Variants in CHD9 observed in about 807,000 individuals in gnomAD.
The protein encoded by CHD9 is ATP-dependent chromatin remodeler CHD9.
In CHD9, 77 loss-of-function variants were observed where a neutral mutation model predicts 316.1. That is an observed-to-expected ratio of 0.24 (90% CI 0.20 to 0.29). The LOEUF (loss-of-function observed/expected upper bound fraction) is 0.29, where lower values mean the gene tolerates loss of function less well. Among genes scored for constraint, CHD9 ranks in the 10% least tolerant of loss-of-function variants. The pLI is 1.00. For missense variants in CHD9, 2,763 were observed against 3,438.1 expected, an observed-to-expected ratio of 0.80 and a Z score of 4.91; for synonymous variants, 1,129 against 1,158.3, an observed-to-expected ratio of 0.97 and a Z score of 0.51.
At chr16:53,110,967 A>AT (rs1451188473) in intron 1 of CHD9, among the ~76,000 whole-genome samples, 1 of 152,122 alleles carries the variant, frequency 6.6e-6, no homozygotes, top group Non-Finnish European at 1.5e-5. Context: ...GAGAAGGTAC[A>AT]TTTTTTGGGG....
At chr16:53,150,296 A>AT (rs1243753789) in intron 1 of CHD9, among the ~76,000 whole-genome samples, 1 of 140,018 alleles carries the variant, frequency 7.1e-6, no homozygotes, top group Non-Finnish European at 1.6e-5. Flanking sequence ...CTTAATGGTT[A>AT]TGTTGCGGAT....
At chr16:53,129,582 A>C (rs749796745) in intron 1 of CHD9, among the ~76,000 whole-genome samples, 6 of 152,252 alleles carry the variant, frequency 3.9e-5, no homozygotes, top group Non-Finnish European at 8.8e-5. Flanking sequence ...CAGCCATTCC[A>C]TTCTGGCTAG....
At chr16:53,308,058 T>C (rs2056144811) in intron 33 of CHD9, 105 bp downstream of exon 33, 2 of 952,344 alleles carry the variant, frequency 2.1e-6, no homozygotes, top group African/African-American at 1.7e-5. Flanking sequence ...TTCACATACC[T>C]GTTTCTTGGT....
At chr16:53,220,368 G>A (rs1029498009) in intron 3 of CHD9, among the ~76,000 whole-genome samples, 2 of 152,160 alleles carry the variant, frequency 1.3e-5, no homozygotes, top group Non-Finnish European at 2.9e-5. Flanking sequence ...TTTCTCACCT[G>A]AAGTCTAGTC....
Position 53,245,008 on chromosome 16 carries a change from C to T in CHD9, c.3055-328C>T, listed in dbSNP as rs922972129. On this transcript the variant is annotated intron_variant, in intron 13 of 38. Transcript: ENST00000447540. The surrounding 1 kb of genome is among the most constrained non-coding windows in gnomAD (Gnocchi z 4.1). ...GTGCATACCTGTAGTCCTAGCTACT[C>T]GGGAGTCTGAGGCAGGAGGATCCCT... Among the ~76,000 whole-genome samples, 3 of 151,802 alleles carry T rather than the reference C, an allele frequency of 2.0e-5. No homozygotes were observed. The highest frequency in any genetic ancestry group is 4.8e-5 in the African/African-American group (2 of 41,324).
chr16:53,083,490 TA>T (rs1363882363), intron 1 of CHD9, among the ~76,000 whole-genome samples: 2 of 152,224 alleles, frequency 1.3e-5, no homozygotes, highest in Admixed American at 6.5e-5. Flanking sequence ...CTCTGCCTGT[TA>T]GATTTCTGCA....
At chr16:53,116,592 G>A (rs1201036440) in intron 1 of CHD9, among the ~76,000 whole-genome samples, 1 of 152,186 alleles carries the variant, frequency 6.6e-6, no homozygotes, top group Non-Finnish European at 1.5e-5. Context: ...TGGTGAGGCT[G>A]TGGAGAGATA....
intron 11 of CHD9, among the ~76,000 whole-genome samples, chr16:53,236,950 A>G (rs2048684632): frequency 6.6e-6 from 1 of 151,856 alleles, no homozygotes; most frequent in South Asian, 2.1e-4. Flanking sequence ...TCCCTAAGCC[A>G]TATTCTATAC....
chr16:53,106,180 C>A (rs1157671468), intron 1 of CHD9, among the ~76,000 whole-genome samples: 1 of 152,162 alleles, frequency 6.6e-6, no homozygotes, highest in African/African-American at 2.4e-5. Context: ...CATTATTCTC[C>A]TTTGCATCGT....
chr16:53,168,704 T>G (rs1443340367), intron 2 of CHD9: 1 of 152,214 alleles, frequency 6.6e-6, no homozygotes, highest in Non-Finnish European at 1.5e-5. Context: ...GGTATTGTGC[T>G]AAGTACTTAA....
chr16:53,306,858 C>T (rs981209962), intron 32 of CHD9, among the ~76,000 whole-genome samples: 4 of 152,134 alleles, frequency 2.6e-5, no homozygotes, highest in Non-Finnish European at 4.4e-5. Context: ...CAGCTCACTG[C>T]AACCTCCGCC....
chr16:53,094,461 C>G (rs1016087363), intron 1 of CHD9, among the ~76,000 whole-genome samples: 3 of 152,072 alleles, frequency 2.0e-5, no homozygotes, highest in Non-Finnish European at 4.4e-5. Context: ...AAAACTCACC[C>G]GTACCCGGTG....
At chr16:53,088,838 G>T (rs1431138682) in intron 1 of CHD9, among the ~76,000 whole-genome samples, 1 of 151,942 alleles carries the variant, frequency 6.6e-6, no homozygotes, top group Non-Finnish European at 1.5e-5. Context: ...GCTCAGCCGG[G>T]CGTGGTGGCT....
chr16:53,180,655 T>G (rs1031967358), intron 2 of CHD9, among the ~76,000 whole-genome samples: 1 of 151,996 alleles, frequency 6.6e-6, no homozygotes, highest in Non-Finnish European at 1.5e-5. Flanking sequence ...GAAACAGACA[T>G]CTCTTTTTTT....
At chr16:53,255,892 G>T (rs1316824764) in intron 19 of CHD9, 113 bp downstream of exon 19, 4 of 936,814 alleles carry the variant, frequency 4.3e-6, no homozygotes, top group Non-Finnish European at 6.5e-6. Flanking sequence ...TAGCCAAGAT[G>T]CAGTAGGTAA....
chr16:53,270,611 A>G (rs2052159234), intron 22 of CHD9, among the ~76,000 whole-genome samples: 1 of 152,182 alleles, frequency 6.6e-6, no homozygotes, highest in Non-Finnish European at 1.5e-5. Context: ...TTGAATGTGG[A>G]TAATGGGACT....
chr16:53,245,064 C>G lies in CHD9; in HGVS notation c.3055-272C>G, dbSNP rs985527824. Among the ~76,000 whole-genome samples, 2 of 151,978 alleles carry G rather than the reference C, an allele frequency of 1.3e-5. No individual in the cohort carries two copies. The highest frequency in any genetic ancestry group is 2.9e-5 in the Non-Finnish European group (2 of 67,996). ...CCAGGAGTTCAAGGTTACAGTGGCA[C>G]CACTGTAATTTATTCTAATCATTGT... On this transcript the variant is annotated intron_variant, in intron 13 of 38. Transcript: ENST00000447540. This position sits in a 1 kb window ranked among gnomAD's most constrained non-coding sequence, Gnocchi z 4.1.
chr16:53,124,045 CA>C (rs2038863405), intron 1 of CHD9, among the ~76,000 whole-genome samples: 1 of 152,132 alleles, frequency 6.6e-6, no homozygotes, highest in Admixed American at 6.6e-5. Context: ...TATTGTGAAT[CA>C]TACTGCTGTG....
At chr16:53,312,317 T>C (rs550229011) in intron 34 of CHD9, among the ~76,000 whole-genome samples, 4 of 152,208 alleles carry the variant, frequency 2.6e-5, no homozygotes, top group Non-Finnish European at 5.9e-5. Context: ...ACATTCAATA[T>C]TTTGCTACAC....
Sources: allele counts gnomAD v4.1 joint callset (sites outside exome capture counted in the v4.1 genomes callset), GRCh38; gene constraint gnomAD v4.1.1; non-coding constraint Gnocchi (gnomAD v3.1); transcripts MANE v1.5; gene names NCBI Gene and HGNC (gene_info 2026-07-23, HGNC 2026-07-21).